The following PREX1 variants were observed in gnomAD, a reference collection of about 807,000 sequenced individuals.
PREX1 encodes phosphatidylinositol 3,4,5-trisphosphate-dependent Rac exchanger 1 protein.
PREX1 carries 41 observed loss-of-function variants against 198.3 expected under a neutral mutation model. The observed-to-expected ratio is 0.21, with a 90% confidence interval of 0.16 to 0.27. PREX1 has a LOEUF of 0.27. PREX1 is among the 10% of genes least tolerant of loss of function. The pLI, the probability that PREX1 is intolerant of heterozygous loss-of-function variation, is 1.00. For missense variants in PREX1, 1,620 were observed against 2,200.7 expected (o/e 0.74, Z 5.28); for synonymous variants, 843 against 887.2 (o/e 0.95, Z 0.89).
At chr20:48,880,897 T>C in the PREX1 span, among the ~76,000 whole-genome samples, 1 of 144,270 alleles carries the variant, frequency 6.9e-6, no homozygotes, top group Non-Finnish European at 1.5e-5. Flanking sequence ...AAATTGTCTC[T>C]GAGAATCCTA....
rs977707519 is a variant in PREX1 at position 48,827,500 on chromosome 20, T to TC, written c.219+141dup. 104 of 547,030 alleles carry TC rather than the reference T, an allele frequency of 1.9e-4. No homozygotes were observed. The highest frequency in any genetic ancestry group is 5.9e-4 in the Middle Eastern group (1 of 1,696). The allele number at this position is 547,030 out of a possible 1,614,324, so 33.9% of individuals were successfully genotyped here. A position where few individuals can be genotyped will look rare whatever the true frequency, so the allele number is the denominator to read the frequency against. The stretch of plus-strand genomic sequence containing the variant: ...CGCGACAGCTCTGGAGGAGCTCGGA[T>TC]CCCCCCCGCTTTCCGCGCGCCCTGC... On this transcript the variant is annotated intron_variant, in intron 1 of 39. Coordinates refer to ENST00000371941, the MANE Select transcript of PREX1 (RefSeq NM_020820.4). The surrounding 1 kb of genome is among the most constrained non-coding windows in gnomAD (Gnocchi z 4.1).
chr20:48,638,782 G>C (rs902322777), intron 30 of PREX1, among the ~76,000 whole-genome samples: 1 of 152,194 alleles, frequency 6.6e-6, no homozygotes, highest in Admixed American at 6.5e-5. Context: ...GACCACACGG[G>C]AAGGAGGCAG....
At chr20:48,785,255 G>A (rs1450717494) in intron 1 of PREX1, among the ~76,000 whole-genome samples, 1 of 152,144 alleles carries the variant, frequency 6.6e-6, no homozygotes, top group East Asian at 1.9e-4. Flanking sequence ...TTTTTAAAGT[G>A]CTGATCTGCC....
intron 25 of PREX1, among the ~76,000 whole-genome samples, chr20:48,648,186 C>T (rs2089465254): frequency 6.6e-6 from 1 of 152,188 alleles, no homozygotes; most frequent in African/African-American, 2.4e-5. Flanking sequence ...AAATTACAGG[C>T]ATGAGCCACT....
chr20:48,738,492 G>A (rs2206743), intron 3 of PREX1, among the ~76,000 whole-genome samples: 2,576 of 152,268 alleles, frequency 0.017, 42 homozygotes, highest in Non-Finnish European at 0.022. Context: ...CATCCAGCCT[G>A]ACCCCAGCTG....
chr20:48,672,206 C>T (rs889113890), intron 14 of PREX1, among the ~76,000 whole-genome samples: 1 of 152,260 alleles, frequency 6.6e-6, no homozygotes, highest in African/African-American at 2.4e-5. Context: ...CTGCCTCTTT[C>T]ATAGCATCCC....
chr20:48,664,209 C>T (rs2089617929), intron 15 of PREX1, among the ~76,000 whole-genome samples: 1 of 152,096 alleles, frequency 6.6e-6, no homozygotes, highest in Admixed American at 6.5e-5. Context: ...GCCATCTCTA[C>T]TAAAAAATAC....
At position 48,646,053 on chromosome 20, in the gene PREX1, G is replaced by A. The variant is rs1202337831; in HGVS notation, c.3310C>T (p.Leu1104=). 3.7e-6 allele frequency: 6 copies of A among 1,613,186 alleles called. No homozygotes were observed. The highest frequency in any genetic ancestry group is 5.1e-6 in the Non-Finnish European group (6 of 1,179,998). The change falls in exon 26 of 40, where the codon CTG becomes TTG. Residue 1104 remains leucine (L), a synonymous_variant. Transcript: ENST00000371941. ...GAGGTGGGCTCTGTGATGGTGGACAGCAGCCTACGGAAGCAAAGACCTTGA... is the reference window on the plus strand; with the variant it reads ...GAGGTGGGCTCTGTGATGGTGGACAACAGCCTACGGAAGCAAAGACCTTGA... ...KQYVTQINRL[L]STITEPTSGG... is the part of the protein sequence containing the mutation.
Position 48,691,186 on chromosome 20 carries a change from G to C in PREX1, c.1037-90C>G. 1 of 1,533,938 alleles carries C rather than the reference G, an allele frequency of 6.5e-7. No individual in the cohort carries two copies. The highest frequency in any genetic ancestry group is 9.0e-7 in the Non-Finnish European group (1 of 1,113,840). Reference sequence around the variant, plus strand: ...TGCCAAGCCCTTCCGCCCCAGCACAGGCAGGGCCCTCGCCTGGATCAGGAT... The same window carrying C: ...TGCCAAGCCCTTCCGCCCCAGCACACGCAGGGCCCTCGCCTGGATCAGGAT... On this transcript the variant is annotated intron_variant, in intron 8 of 39. Transcript: ENST00000371941. The surrounding 1 kb of genome is among the most constrained non-coding windows in gnomAD (Gnocchi z 5.0).
intron 3 of PREX1, among the ~76,000 whole-genome samples, chr20:48,744,425 C>T (rs1227350489): frequency 2.6e-5 from 4 of 152,174 alleles, no homozygotes; most frequent in African/African-American, 9.7e-5. Context: ...GTGAGGCTAG[C>T]TTGGGTTCTT....
rs2089820584 is a variant in PREX1 at position 48,691,805 on chromosome 20, C to T, written c.1037-709G>A. On this transcript the variant is annotated intron_variant, in intron 8 of 39. Transcript: ENST00000371941. The surrounding 1 kb of genome is among the most constrained non-coding windows in gnomAD (Gnocchi z 5.0). The stretch of plus-strand genomic sequence containing the variant: ...CTCTGCAGCAATGGAAACCAACAGG[C>T]TGCAAACAGCTACATGCAGAGACAT... Among the ~76,000 whole-genome samples, 1 of 152,220 alleles carries T rather than the reference C, an allele frequency of 6.6e-6. No homozygotes were observed. The highest frequency in any genetic ancestry group is 2.4e-5 in the African/African-American group (1 of 41,466).
At chr20:48,802,106 AAAAC>A (rs1209610321) in intron 1 of PREX1, among the ~76,000 whole-genome samples, 1 of 152,178 alleles carries the variant, frequency 6.6e-6, no homozygotes, top group Non-Finnish European at 1.5e-5. Context: ...TAAGCAGCAG[AAAAC>A]AAACTAAGAC....
chr20:48,875,730 G>A, the PREX1 span, among the ~76,000 whole-genome samples: 1 of 152,210 alleles, frequency 6.6e-6, no homozygotes, highest in Non-Finnish European at 1.5e-5. Flanking sequence ...CAGGGTAAGG[G>A]AAGAAGTGGG....
Position 48,627,550 on chromosome 20 carries a change from C to G in PREX1, c.4935G>C (p.Pro1645=). The G allele has an allele frequency of 6.2e-7, 1 of 1,613,902 alleles. No individual in the cohort carries two copies. The highest frequency in any genetic ancestry group is 1.3e-5 in the African/African-American group (1 of 74,998). ...GGGCGGACGAGGCAGCCACTCACCGCGGAGCACCCTGGGGCATCTGGTCCT... is the reference window on the plus strand; with the variant it reads ...GGGCGGACGAGGCAGCCACTCACCGGGGAGCACCCTGGGGCATCTGGTCCT... ...RVKDQMPQGA[P]RLYRLCQPPV... is the part of the protein sequence containing the mutation. The change falls in exon 39 of 40, where the codon CCG becomes CCC. Residue 1645 remains proline, a splice_region_variant and synonymous_variant. Coordinates refer to ENST00000371941, the MANE Select transcript of PREX1 (RefSeq NM_020820.4).
the PREX1 span, among the ~76,000 whole-genome samples, chr20:48,881,693 G>A: frequency 6.6e-6 from 1 of 152,182 alleles, no homozygotes; most frequent in East Asian, 1.9e-4. Flanking sequence ...CACCCTATTG[G>A]CCGGGCTGGT....
intron 16 of PREX1, among the ~76,000 whole-genome samples, chr20:48,659,256 G>C (rs1055481864): frequency 7.3e-6 from 1 of 137,550 alleles, no homozygotes; most frequent in Non-Finnish European, 1.6e-5. Flanking sequence ...AAGGAAGGAA[G>C]GAAGGACGGG....
the PREX1 span, among the ~76,000 whole-genome samples, chr20:48,855,637 G>C: frequency 2.0e-5 from 3 of 152,320 alleles, no homozygotes; most frequent in African/African-American, 7.2e-5. Context: ...AGTGGCTCAC[G>C]CCTGTAATCC....
At chr20:48,650,677 C>T (rs2089488088) in intron 23 of PREX1, among the ~76,000 whole-genome samples, 1 of 152,224 alleles carries the variant, frequency 6.6e-6, no homozygotes, top group African/African-American at 2.4e-5. Flanking sequence ...GAGAGTGAAC[C>T]CAGCGCTAAG....
At chr20:48,785,891 A>G (rs1291829675) in intron 1 of PREX1, among the ~76,000 whole-genome samples, 1 of 152,164 alleles carries the variant, frequency 6.6e-6, no homozygotes, top group African/African-American at 2.4e-5. Flanking sequence ...GACAGAGCTT[A>G]CCTCTAGCAA....
Sources: gnomAD v4.1 joint callset for allele counts (sites outside exome capture counted in the v4.1 genomes callset) on GRCh38, gnomAD v4.1.1 for gene constraint, Gnocchi (gnomAD v3.1) non-coding constraint, MANE v1.5 for transcripts, NCBI Gene and HGNC (gene_info 2026-07-23, HGNC 2026-07-21) for gene names.